Variants in DNAI4 observed in about 807,000 individuals in gnomAD.
The protein encoded by DNAI4 is WD repeat domain 78.
DNAI4 carries 85 observed loss-of-function variants against 105.8 expected under a neutral mutation model. The observed-to-expected ratio is 0.80, with a 90% CI of 0.67 to 0.96. The LOEUF is 0.96. Ranked by LOEUF, DNAI4 falls within the 40% of genes least tolerant of loss-of-function variation. The pLI, the probability that DNAI4 is intolerant of heterozygous loss-of-function variation, is 0.00. For missense variants in DNAI4, 1,014 were observed against 1,005.6 expected (o/e 1.01, Z -0.11); for synonymous variants, 352 against 331.5 (o/e 1.06, Z -0.67).
chr1:66,903,034 A>G (rs1648951748), intron 2 of DNAI4, among the ~76,000 whole-genome samples: 1 of 152,180 alleles, frequency 6.6e-6, no homozygotes, highest in Non-Finnish European at 1.5e-5. Context: ...GCATCTCTTG[A>G]TATTTCATAT....
chr1:66,857,873 A>G (rs1646536045), intron 7 of DNAI4, among the ~76,000 whole-genome samples: 1 of 152,054 alleles, frequency 6.6e-6, no homozygotes, highest in South Asian at 2.1e-4. Context: ...GGCGTGAGCC[A>G]CCGCACCCGG....
At chr1:66,882,266 TTTGTC>T (rs1389520526) in intron 4 of DNAI4, among the ~76,000 whole-genome samples, 2 of 152,228 alleles carry the variant, frequency 1.3e-5, no homozygotes, top group Non-Finnish European at 2.9e-5. Flanking sequence ...CAGCCTGTGG[TTTGTC>T]TTATCATTCA....
At chr1:66,843,008 G>C (rs999519774) in intron 8 of DNAI4, among the ~76,000 whole-genome samples, 5 of 151,916 alleles carry the variant, frequency 3.3e-5, no homozygotes, top group African/African-American at 1.2e-4. Flanking sequence ...GACCAGCCTG[G>C]GCAACAAAGC....
intron 1 of DNAI4, among the ~76,000 whole-genome samples, chr1:66,906,083 C>T (rs183503245): frequency 6.6e-6 from 1 of 152,054 alleles, no homozygotes; most frequent in Non-Finnish European, 1.5e-5. Context: ...ACCACCATGC[C>T]TGGCTAATTT....
chr1:66,869,227 T>C (rs919018935), intron 6 of DNAI4, among the ~76,000 whole-genome samples: 3 of 151,908 alleles, frequency 2.0e-5, no homozygotes, highest in East Asian at 1.9e-4. Context: ...CTAAAGTAAT[T>C]TGACCTTGAT....
rs1051114927 is a variant in DNAI4, at chr1:66,812,925, G to T, written c.*1205C>A. The T allele has an allele frequency of 1.3e-5, 2 of 152,274 alleles. No homozygotes were observed. Among genetic ancestry groups the T allele is most frequent in the African/African-American group, 4.8e-5 (2 of 41,422 alleles). The allele number at this position is 152,274 out of a possible 1,614,324, so 9.4% of individuals were successfully genotyped here. On this transcript the variant is annotated 3_prime_UTR_variant, in exon 17 of 17. Coordinates refer to ENST00000371026, the MANE Select transcript of DNAI4 (RefSeq NM_024763.5). ...CAAGTTTTTTATTTTCTTACACAAG[G>T]TGTTATAGAAAATCCAATCTTTCAG...
intron 7 of DNAI4, among the ~76,000 whole-genome samples, chr1:66,859,358 A>G (rs1646576024): frequency 6.6e-6 from 1 of 152,212 alleles, no homozygotes; most frequent in African/African-American, 2.4e-5. Context: ...AATGGATGCA[A>G]AATAGTACAA....
At chr1:66,856,556 A>G (rs909743984) in intron 7 of DNAI4, among the ~76,000 whole-genome samples, 2 of 152,124 alleles carry the variant, frequency 1.3e-5, no homozygotes, top group Admixed American at 6.5e-5. Context: ...TCAAGCTCAC[A>G]TGGCACATTC....
intron 11 of DNAI4, among the ~76,000 whole-genome samples, 170 bp from the exon 12 acceptor site, chr1:66,834,318 A>C (rs1645935641): frequency 1.3e-5 from 2 of 152,070 alleles, no homozygotes; most frequent in African/African-American, 2.4e-5. Flanking sequence ...AAGAAAAGAC[A>C]ACCACTTTTC....
chr1:66,850,416 T>C (rs541207354), intron 7 of DNAI4, among the ~76,000 whole-genome samples: 1 of 151,018 alleles, frequency 6.6e-6, no homozygotes, highest in South Asian at 2.1e-4. Flanking sequence ...GAAGGAATAC[T>C]AAGAATTTGT....
At position 66,905,214 on chromosome 1, in the gene DNAI4, A is replaced by T. The variant is rs1379683742; in HGVS notation, c.332T>A (p.Ile111Lys). The change falls in exon 2 of 17, where the codon ATA becomes AAA. Residue 111 changes from isoleucine to lysine, a missense_variant. Ile to Lys is a moderately radical substitution (Grantham distance 102, BLOSUM62 -3). Transcript: ENST00000371026. ...TAAGAATATTACCTGTGTTGTCTTT[A>T]TATTGGGATTTGGTTTTTCTACAGT... Reference protein sequence around the residue: ...LKTVEKPNPNIKTTQVFDING... With the variant: ...LKTVEKPNPNKKTTQVFDING... 1 of 1,526,460 alleles carries T rather than the reference A, an allele frequency of 6.6e-7. No homozygotes were observed. Among genetic ancestry groups the T allele is most frequent in the Admixed American group, 1.8e-5 (1 of 55,148 alleles). 94.6% of individuals were successfully genotyped at this position (1,526,460 alleles called of 1,614,324 possible). A position where few individuals can be genotyped will look rare whatever the true frequency, so the allele number is the denominator to read the frequency against.
chr1:66,849,453 A>G (rs1646350050), intron 7 of DNAI4, among the ~76,000 whole-genome samples: 1 of 152,210 alleles, frequency 6.6e-6, no homozygotes, highest in African/African-American at 2.4e-5. Context: ...CTAAAATGGA[A>G]GTTTAGAAAA....
intron 8 of DNAI4, among the ~76,000 whole-genome samples, chr1:66,842,189 C>A (rs1646164357): frequency 6.6e-6 from 1 of 152,148 alleles, no homozygotes; most frequent in Non-Finnish European, 1.5e-5. Flanking sequence ...ATTCCATTGT[C>A]TGGATGTATC....
At chr1:66,839,740 T>C (rs1239128673) in intron 9 of DNAI4, among the ~76,000 whole-genome samples, 1 of 152,228 alleles carries the variant, frequency 6.6e-6, no homozygotes, top group Non-Finnish European at 1.5e-5. Context: ...ACTTGACAAT[T>C]CATCTTATTT....
chr1:66,835,426 T>C (rs557592886), intron 11 of DNAI4, among the ~76,000 whole-genome samples, 200 bp downstream of exon 11: 1 of 152,302 alleles, frequency 6.6e-6, no homozygotes, highest in East Asian at 1.9e-4. Context: ...GTTAGTGAGA[T>C]GGGCAGAGAA....
chr1:66,844,388 C>G (rs1343383861), intron 8 of DNAI4, among the ~76,000 whole-genome samples: 1 of 151,804 alleles, frequency 6.6e-6, no homozygotes, highest in Non-Finnish European at 1.5e-5. Flanking sequence ...ATGGCAAAAC[C>G]CCGTCTCTAC....
chr1:66,907,096 A>C (rs764105854), intron 1 of DNAI4: 23 of 152,016 alleles, frequency 1.5e-4, no homozygotes, highest in Non-Finnish European at 3.4e-4. Context: ...ACCTATTACT[A>C]TATCTCTCCT....
intron 10 of DNAI4, among the ~76,000 whole-genome samples, chr1:66,836,155 A>G (rs1233575504): frequency 2.3e-5 from 1 of 42,562 alleles, no homozygotes. Context: ...AAAGAAAGAA[A>G]GAAAGAAAGA....
intron 1 of DNAI4, among the ~76,000 whole-genome samples, chr1:66,915,133 T>C (rs151080012): frequency 6.6e-6 from 1 of 152,346 alleles, no homozygotes; most frequent in East Asian, 1.9e-4. Context: ...TGCTCTGTAA[T>C]CTTTAATAAA....
Sources: gnomAD v4.1 joint callset for allele counts (sites outside exome capture counted in the v4.1 genomes callset) on GRCh38, gnomAD v4.1.1 for gene constraint, MANE v1.5 for transcripts, NCBI Gene and HGNC (gene_info 2026-07-23, HGNC 2026-07-21) for gene names.